NTNG1: variants seen among roughly 807,000 people sequenced by gnomAD.
The protein encoded by NTNG1 is netrin G1.
In NTNG1, 16 loss-of-function variants were observed where a neutral mutation model predicts 54.0. The observed-to-expected ratio is 0.30, with a 90% CI of 0.20 to 0.45. The LOEUF is 0.45. Among genes scored for constraint, NTNG1 ranks in the 20% least tolerant of loss-of-function variants. The pLI, the probability that NTNG1 is intolerant of heterozygous loss-of-function variation, is 1.00. For missense variants in NTNG1, 530 were observed against 678.7 expected (o/e 0.78, Z 2.43); for synonymous variants, 255 against 263.1 (o/e 0.97, Z 0.30).
chr1:107,303,229 G>T (rs1434045668), intron 2 of NTNG1, among the ~76,000 whole-genome samples: 1 of 152,158 alleles, frequency 6.6e-6, no homozygotes, highest in Non-Finnish European at 1.5e-5. Flanking sequence ...GGACAAGCAG[G>T]TTTTTTGCTG....
At chr1:107,296,609 A>G (rs1303281323) in intron 2 of NTNG1, among the ~76,000 whole-genome samples, 2 of 148,208 alleles carry the variant, frequency 1.3e-5, no homozygotes, top group Non-Finnish European at 3.0e-5. Flanking sequence ...TGTTATTTAT[A>G]TGAATATATA....
intron 2 of NTNG1, among the ~76,000 whole-genome samples, chr1:107,206,185 A>G (rs1659177192): frequency 6.6e-6 from 1 of 152,070 alleles, no homozygotes; most frequent in Admixed American, 6.6e-5. Flanking sequence ...CACTGAAAAA[A>G]AAGTAATTTT....
intron 2 of NTNG1, among the ~76,000 whole-genome samples, chr1:107,247,765 C>T (rs886383700): frequency 3.3e-5 from 5 of 152,216 alleles, no homozygotes; most frequent in Admixed American, 3.3e-4. Context: ...AAACCAATAT[C>T]AATGTCAAGT....
At chr1:107,216,470 A>T (rs1659965252) in intron 2 of NTNG1, among the ~76,000 whole-genome samples, 1 of 152,124 alleles carries the variant, frequency 6.6e-6, no homozygotes, top group Non-Finnish European at 1.5e-5. Context: ...CAGATGTTAA[A>T]CCATCCTTGC....
At chr1:107,210,126 A>G (rs1279805288) in intron 2 of NTNG1, among the ~76,000 whole-genome samples, 1 of 152,092 alleles carries the variant, frequency 6.6e-6, no homozygotes, top group African/African-American at 2.4e-5. Context: ...GGAGGGGGAG[A>G]GGACACTGCT....
chr1:107,261,767 C>T (rs890056343), intron 2 of NTNG1, among the ~76,000 whole-genome samples: 1 of 152,058 alleles, frequency 6.6e-6, no homozygotes. Flanking sequence ...GGCGTGAACC[C>T]GGGAGGCGGA....
chr1:107,438,063 A>G (rs1029593525), intron 7 of NTNG1, among the ~76,000 whole-genome samples: 11 of 152,304 alleles, frequency 7.2e-5, no homozygotes, highest in African/African-American at 2.6e-4. Context: ...GATGAATTCT[A>G]TAATAATAAC....
chr1:107,273,183 G>A (rs978272499), intron 2 of NTNG1, among the ~76,000 whole-genome samples: 1 of 152,114 alleles, frequency 6.6e-6, no homozygotes, highest in African/African-American at 2.4e-5. Context: ...CATCAAGGTA[G>A]GGGGGTCCTG....
At chr1:107,470,462 T>C (rs532384198) in intron 7 of NTNG1, among the ~76,000 whole-genome samples, 6 of 152,220 alleles carry the variant, frequency 3.9e-5, no homozygotes, top group Admixed American at 6.5e-5. Flanking sequence ...TTTGGTACAA[T>C]TGATTGTAGT....
intron 7 of NTNG1, among the ~76,000 whole-genome samples, chr1:107,470,574 G>C (rs188529459): frequency 1.5e-4 from 23 of 152,284 alleles, no homozygotes; most frequent in Admixed American, 1.3e-3. Context: ...TTTCATCCTG[G>C]CACAATGCCA....
chr1:107,411,057 A>G (rs1673766130), intron 5 of NTNG1, among the ~76,000 whole-genome samples: 1 of 152,154 alleles, frequency 6.6e-6, no homozygotes, highest in Non-Finnish European at 1.5e-5. Context: ...TAACACAAAC[A>G]AAAGAAGAGA....
At chr1:107,365,071 C>CT (rs1328655808) in intron 3 of NTNG1, among the ~76,000 whole-genome samples, 4 of 152,062 alleles carry the variant, frequency 2.6e-5, no homozygotes, top group South Asian at 2.1e-4. Flanking sequence ...TCACCTGTTA[C>CT]TTTTTTTGAT....
rs2197324 is a variant in NTNG1, at chr1:107,406,089, T to C, written c.1061-1593T>C. Among the ~76,000 whole-genome samples the C allele has an allele frequency of 9.0e-3, 1,365 of 152,276 alleles. 18 individuals are homozygous for C. Among genetic ancestry groups the C allele is most frequent in the African/African-American group, 0.027 (1,106 of 41,570 alleles). On this transcript the variant is annotated intron_variant, in intron 4 of 7. Coordinates refer to ENST00000370068, the MANE Select transcript of NTNG1 (RefSeq NM_001113226.3). ...AAATTCTGAGCATTTAAAATCAAGA[T>C]ATTTTTTGTGTTTCTAATAACTAAA... is the stretch of plus-strand genomic sequence containing the variant.
intron 2 of NTNG1, among the ~76,000 whole-genome samples, chr1:107,166,820 G>C (rs903707463): frequency 5.3e-5 from 8 of 151,986 alleles, no homozygotes; most frequent in Non-Finnish European, 7.4e-5. Flanking sequence ...AAACGTTCTA[G>C]AGATATGAGA....
intron 7 of NTNG1, among the ~76,000 whole-genome samples, chr1:107,448,933 A>G (rs1676461808): frequency 6.6e-6 from 1 of 152,120 alleles, no homozygotes; most frequent in South Asian, 2.1e-4. Flanking sequence ...TTGGTTATGA[A>G]TATATCAAAA....
intron 2 of NTNG1, among the ~76,000 whole-genome samples, chr1:107,242,016 T>G (rs1289015372): frequency 6.6e-6 from 1 of 152,202 alleles, no homozygotes; most frequent in African/African-American, 2.4e-5. Flanking sequence ...CTCATACCTG[T>G]AATCCCAGCA....
chr1:107,425,041 T>C (rs1674806388), intron 5 of NTNG1, among the ~76,000 whole-genome samples: 1 of 152,072 alleles, frequency 6.6e-6, no homozygotes, highest in Non-Finnish European at 1.5e-5. Context: ...AAGCCCCTGC[T>C]TCAGGAAGGA....
chr1:107,391,275 C>T (rs1672339613), intron 3 of NTNG1, among the ~76,000 whole-genome samples: 2 of 152,128 alleles, frequency 1.3e-5, no homozygotes, highest in South Asian at 4.2e-4. Context: ...AATGGGAAAT[C>T]TTACAATGGT....
chr1:107,222,961 TGAATTTCATTTTAAGAAGGG>T (rs1223049968), intron 2 of NTNG1, among the ~76,000 whole-genome samples: 1 of 152,024 alleles, frequency 6.6e-6, no homozygotes, highest in African/African-American at 2.4e-5. Context: ...GAGAAAGGCA[TGAATTTCATTTTAAGAAGGG>T]GGACTTTTTT....
Sources: allele counts gnomAD v4.1 joint callset (sites outside exome capture counted in the v4.1 genomes callset), GRCh38; gene constraint gnomAD v4.1.1; transcripts MANE v1.5; gene names NCBI Gene and HGNC (gene_info 2026-07-23, HGNC 2026-07-21).